The following PTPN4 variants were observed in gnomAD, a reference collection of about 807,000 sequenced individuals.
PTPN4 encodes tyrosine-protein phosphatase non-receptor type 4.
A neutral mutation model predicts 135.5 loss-of-function variants in PTPN4; 49 were observed. That is an observed-to-expected ratio of 0.36 (90% CI 0.29 to 0.46). The LOEUF (loss-of-function observed/expected upper bound fraction) is 0.46, where lower values mean the gene tolerates loss of function less well. Among genes scored for constraint, PTPN4 ranks in the 20% least tolerant of loss-of-function variants. PTPN4 has a pLI of 1.00. For synonymous variants in PTPN4, 333 were observed against 369.9 expected, an observed-to-expected ratio of 0.90 and a Z score of 1.14; for missense variants, 860 against 1,101.0, an observed-to-expected ratio of 0.78 and a Z score of 3.10.
At chr2:119,805,150 A>G (rs1691445341) in intron 1 of PTPN4, among the ~76,000 whole-genome samples, 1 of 151,818 alleles carries the variant, frequency 6.6e-6, no homozygotes, top group South Asian at 2.1e-4. Context: ...TTTTTCTTAT[A>G]AATTTGTTTA....
chr2:119,919,658 A>C (rs547229230), intron 11 of PTPN4, among the ~76,000 whole-genome samples: 191 of 152,208 alleles, frequency 1.3e-3, no homozygotes, highest in Non-Finnish European at 2.0e-3. Context: ...CCCCGTCTCT[A>C]CTAAACATAG....
rs72952841 is a variant in PTPN4, at chr2:119,984,405, A to G, written c.*7335A>G. ...GATACAATTATTCATTTCATGTTTG[A>G]TTCTATTAAACTAGTGGCAAAACAG... On this transcript the variant is annotated 3_prime_UTR_variant, in exon 27 of 27. Transcript: ENST00000263708. Among the ~76,000 whole-genome samples, 3,819 of 152,260 alleles carry G rather than the reference A, an allele frequency of 0.025. 152 individuals are homozygous for G. Among genetic ancestry groups the G allele is most frequent in the African/African-American group, 0.086 (3,573 of 41,528 alleles).
chr2:119,836,637 G>A (rs1363072082), intron 2 of PTPN4, among the ~76,000 whole-genome samples: 2 of 152,208 alleles, frequency 1.3e-5, no homozygotes, highest in African/African-American at 2.4e-5. Context: ...GCCCAGCCAC[G>A]GCTGCAGACC....
intron 2 of PTPN4, among the ~76,000 whole-genome samples, chr2:119,827,997 C>A (rs1677169446): frequency 6.6e-6 from 1 of 152,196 alleles, no homozygotes. Context: ...TCACTTTTAA[C>A]CCTGACAGTA....
intron 18 of PTPN4, among the ~76,000 whole-genome samples, chr2:119,950,022 A>G (rs1173532304): frequency 6.6e-6 from 1 of 152,174 alleles, no homozygotes. Flanking sequence ...AACATATCTG[A>G]CAAAAGGCAT....
intron 9 of PTPN4, among the ~76,000 whole-genome samples, chr2:119,888,289 C>T (rs2105006729): frequency 6.6e-6 from 1 of 152,054 alleles, no homozygotes; most frequent in Non-Finnish European, 1.5e-5. Flanking sequence ...ATATCATCAG[C>T]AAAAAGAGGC....
In PTPN4 at chr2:119,809,917, C is replaced by A; in HGVS notation, c.64C>A (p.Arg22=). Residue 22 remains arginine, a synonymous_variant, in exon 2 of 27, where the codon CGA becomes AGA. Coordinates refer to ENST00000263708, the MANE Select transcript of PTPN4 (RefSeq NM_002830.4). ...TYNVRASELA[R]DRQHTEVVCN... ...CAATGTACGAGCATCAGAGTTGGCCCGAGACAGACAGCATACTGAAGTGGT... is the reference window on the plus strand; with the variant it reads ...CAATGTACGAGCATCAGAGTTGGCCAGAGACAGACAGCATACTGAAGTGGT... 6.2e-7 allele frequency: 1 copy of A among 1,613,448 alleles called. No homozygotes were observed. The highest frequency in any genetic ancestry group is 8.5e-7 in the Non-Finnish European group (1 of 1,179,782).
chr2:119,765,412 C>T (rs1254714850), intron 1 of PTPN4, among the ~76,000 whole-genome samples: 2 of 152,150 alleles, frequency 1.3e-5, no homozygotes, highest in Non-Finnish European at 2.9e-5. Context: ...GGTCAAGTGT[C>T]ATGAATATTT....
intron 2 of PTPN4, among the ~76,000 whole-genome samples, chr2:119,819,397 T>C (rs1039966531): frequency 2.6e-5 from 4 of 152,242 alleles, no homozygotes; most frequent in African/African-American, 7.2e-5. Flanking sequence ...AAATCCTCAT[T>C]ATTTTAAAAT....
intron 2 of PTPN4, among the ~76,000 whole-genome samples, chr2:119,841,257 A>C (rs901372663): frequency 5.3e-5 from 8 of 152,078 alleles, no homozygotes; most frequent in African/African-American, 1.9e-4. Flanking sequence ...AAAGTTAAAA[A>C]CCCTTGTGCT....
At chr2:119,968,065 A>C in intron 26 of PTPN4, 93 bp downstream of exon 26, 1 of 1,078,786 alleles carries the variant, frequency 9.3e-7, no homozygotes, top group Non-Finnish European at 1.3e-6. Flanking sequence ...ATCCTTTTTT[A>C]TCTTTTCAAT....
chr2:119,856,488 C>A (rs1194871337), intron 2 of PTPN4, among the ~76,000 whole-genome samples: 2 of 152,162 alleles, frequency 1.3e-5, no homozygotes, highest in Non-Finnish European at 2.9e-5. Flanking sequence ...CATACTATGT[C>A]CCATTTATGC....
intron 1 of PTPN4, among the ~76,000 whole-genome samples, chr2:119,784,901 G>T (rs1368436254): frequency 6.6e-6 from 1 of 151,830 alleles, no homozygotes; most frequent in Non-Finnish European, 1.5e-5. Context: ...AAAGTTTCTA[G>T]TTTTATCAGT....
chr2:119,981,475 T>C lies in PTPN4; in HGVS notation c.*4405T>C, dbSNP rs562929097. 3 of 152,260 alleles carry C rather than the reference T, an allele frequency of 2.0e-5. No individual in the cohort carries two copies. Among genetic ancestry groups the C allele is most frequent in the African/African-American group, 7.2e-5 (3 of 41,588 alleles). 9.4% of individuals were successfully genotyped at this position (152,260 alleles called of 1,614,324 possible). On this transcript the variant is annotated 3_prime_UTR_variant, in exon 27 of 27. Coordinates refer to ENST00000263708, the MANE Select transcript of PTPN4 (RefSeq NM_002830.4). ...ATCAAATATCAGACTTACTGATCTCTTGGCAGAGATTTATTGGTGTCTCAG... is the reference window on the plus strand; with the variant it reads ...ATCAAATATCAGACTTACTGATCTCCTGGCAGAGATTTATTGGTGTCTCAG...
At chr2:119,937,889 G>A (rs1430490095) in intron 15 of PTPN4, among the ~76,000 whole-genome samples, 1 of 151,298 alleles carries the variant, frequency 6.6e-6, no homozygotes, top group African/African-American at 2.4e-5. Context: ...CCATGATGGT[G>A]CCTGTGGATA....
At chr2:119,777,268 G>A (rs1359676977) in intron 1 of PTPN4, among the ~76,000 whole-genome samples, 1 of 152,146 alleles carries the variant, frequency 6.6e-6, no homozygotes, top group African/African-American at 2.4e-5. Flanking sequence ...GTATGCACAT[G>A]GCTCACTCTT....
chr2:119,901,998 A>G (rs1678411796), intron 10 of PTPN4, among the ~76,000 whole-genome samples: 1 of 152,232 alleles, frequency 6.6e-6, no homozygotes, highest in Non-Finnish European at 1.5e-5. Context: ...AGAGAAGATC[A>G]GAAGAAATAA....
At chr2:119,766,443 TGC>T (rs145798313) in intron 1 of PTPN4, among the ~76,000 whole-genome samples, 27 of 109,854 alleles carry the variant, frequency 2.5e-4, no homozygotes, top group African/African-American at 7.0e-4. Context: ...TATGCGCATG[TGC>T]GCGCGTGTGT....
At chr2:119,813,898 A>C (rs1676942138) in intron 2 of PTPN4, among the ~76,000 whole-genome samples, 1 of 152,136 alleles carries the variant, frequency 6.6e-6, no homozygotes, top group Non-Finnish European at 1.5e-5. Context: ...TTTGCTTCTC[A>C]AGGGATAGCT....
Sources: gnomAD v4.1 joint callset for allele counts (sites outside exome capture counted in the v4.1 genomes callset) on GRCh38, gnomAD v4.1.1 for gene constraint, MANE v1.5 for transcripts, NCBI Gene and HGNC (gene_info 2026-07-23, HGNC 2026-07-21) for gene names.